The following CA10 variants were observed in gnomAD, a reference collection of about 807,000 sequenced individuals.
CA10 encodes carbonic anhydrase-related protein 10.
Under a neutral mutation model 44.2 loss-of-function variants are expected in CA10, and 14 were observed. That is an observed-to-expected ratio of 0.32 (90% CI 0.21 to 0.50). CA10 has a LOEUF of 0.50. Among genes scored for constraint, CA10 ranks in the 20% least tolerant of loss-of-function variants. CA10 has a pLI of 0.99. For missense variants in CA10, 350 were observed against 409.7 expected (o/e 0.85, Z 1.26); for synonymous variants, 159 against 141.6 (o/e 1.12, Z -0.87).
intron 1 of CA10, among the ~76,000 whole-genome samples, chr17:52,095,215 A>G (rs534287447): frequency 6.6e-6 from 1 of 152,280 alleles, no homozygotes; most frequent in East Asian, 1.9e-4. Flanking sequence ...AGACACAAAG[A>G]GTACATTCTG....
intron 3 of CA10, among the ~76,000 whole-genome samples, chr17:51,878,886 A>AGGGGG (rs1237295315): frequency 6.2e-5 from 1 of 16,254 alleles, no homozygotes; most frequent in South Asian, 3.2e-3. Flanking sequence ...ATATATATAT[A>AGGGGG]TATATGGGTG....
Position 51,723,232 on chromosome 17 carries a change from C to T in CA10, c.465+24401G>A, listed in dbSNP as rs566939822. On this transcript the variant is annotated intron_variant, in intron 4 of 8. Transcript: ENST00000451037. ...TGGGCATGTGCTTACTCAACCTAGA[C>T]TAGCACATGTAGTTGGTGGGAGAAC... Among the ~76,000 whole-genome samples the T allele has an allele frequency of 3.9e-4, 60 of 152,270 alleles. No homozygotes were observed. In the South Asian group the frequency reaches 0.012, roughly 31 times the overall value.
At chr17:51,876,992 T>C (rs887567871) in intron 3 of CA10, among the ~76,000 whole-genome samples, 26 of 152,244 alleles carry the variant, frequency 1.7e-4, no homozygotes, top group African/African-American at 6.0e-4. Context: ...AGCTCACTAA[T>C]ATTTCTAGTT....
intron 1 of CA10, among the ~76,000 whole-genome samples, chr17:52,073,959 A>G (rs1987751456): frequency 6.6e-6 from 1 of 152,194 alleles, no homozygotes; most frequent in Admixed American, 6.5e-5. Flanking sequence ...AACCAAATCA[A>G]GGTTTGGATA....
chr17:52,031,731 G>A (rs988085710), intron 2 of CA10, among the ~76,000 whole-genome samples: 2 of 152,070 alleles, frequency 1.3e-5, no homozygotes, highest in South Asian at 4.1e-4. Flanking sequence ...CAGTTCTTTG[G>A]TGATGCCATG....
intron 3 of CA10, among the ~76,000 whole-genome samples, chr17:51,820,840 T>C (rs1354039980): frequency 6.6e-6 from 1 of 152,094 alleles, no homozygotes; most frequent in Non-Finnish European, 1.5e-5. Context: ...ACATCAGTTA[T>C]TATTCTTACC....
At chr17:51,845,641 A>C (rs1448226885) in intron 3 of CA10, among the ~76,000 whole-genome samples, 1 of 152,162 alleles carries the variant, frequency 6.6e-6, no homozygotes, top group Admixed American at 6.6e-5. Context: ...CTCAAAATGC[A>C]CTCAGCATTG....
intron 1 of CA10, among the ~76,000 whole-genome samples, chr17:52,128,702 C>T (rs2143340418): frequency 6.6e-6 from 1 of 152,288 alleles, no homozygotes; most frequent in East Asian, 1.9e-4. Flanking sequence ...TCATATCTTG[C>T]AGCCCTTCAC....
At position 51,935,641 on chromosome 17, in the gene CA10, T is replaced by C. The variant is rs140402340; in HGVS notation, c.137-4509A>G. On this transcript the variant is annotated intron_variant, in intron 2 of 8. Coordinates refer to ENST00000451037, the MANE Select transcript of CA10 (RefSeq NM_020178.5). ...GCACTACTGCCATTCTTACCATAAATTACAAATCCCAAACGTTCTCTTGGC... is the reference window on the plus strand; with the variant it reads ...GCACTACTGCCATTCTTACCATAAACTACAAATCCCAAACGTTCTCTTGGC... Among the ~76,000 whole-genome samples the C allele has an allele frequency of 6.6e-5, 10 of 152,316 alleles. No homozygotes were observed. The East Asian group carries it at 1.9e-3, about 29-fold the overall frequency.
At chr17:51,661,233 T>TAG in intron 4 of CA10, among the ~76,000 whole-genome samples, 1 of 4,898 alleles carries the variant, frequency 2.0e-4, no homozygotes, top group Non-Finnish European at 6.3e-4. Flanking sequence ...AAGGCAGAAA[T>TAG]AAATAATTGT....
intron 2 of CA10, among the ~76,000 whole-genome samples, chr17:52,015,890 T>G (rs1312063885): frequency 6.6e-6 from 1 of 152,100 alleles, no homozygotes; most frequent in Admixed American, 6.6e-5. Context: ...AATCAGATAT[T>G]CTTTCAGGTC....
chr17:51,755,946 T>A (rs182007440), intron 3 of CA10, among the ~76,000 whole-genome samples: 16 of 152,324 alleles, frequency 1.1e-4, no homozygotes, highest in South Asian at 4.1e-4. Context: ...AATTTCATAA[T>A]GTCCTTTTTA....
chr17:52,113,365 C>T (rs1372351731), intron 1 of CA10, among the ~76,000 whole-genome samples: 2 of 151,994 alleles, frequency 1.3e-5, no homozygotes, highest in Admixed American at 1.3e-4. Context: ...TTCCTTACGG[C>T]CAGGTTAATA....
intron 4 of CA10, among the ~76,000 whole-genome samples, chr17:51,716,478 G>A (rs9909733): frequency 0.56 from 72,028 of 128,474 alleles, 17,251 homozygotes; most frequent in African/African-American, 0.59. Context: ...GAGAAAAAAA[G>A]AAGAGAAAAA....
At chr17:52,012,859 G>A (rs892562224) in intron 2 of CA10, among the ~76,000 whole-genome samples, 3 of 151,936 alleles carry the variant, frequency 2.0e-5, no homozygotes, top group African/African-American at 7.2e-5. Flanking sequence ...AAAGTTAGGT[G>A]GCTGTTAGCA....
intron 2 of CA10, among the ~76,000 whole-genome samples, chr17:52,032,980 G>T (rs898909992): frequency 6.6e-6 from 1 of 152,142 alleles, no homozygotes; most frequent in Non-Finnish European, 1.5e-5. Context: ...CCTAATTGAA[G>T]TATACGTCAA....
intron 3 of CA10, among the ~76,000 whole-genome samples, chr17:51,922,478 C>A (rs557952914): frequency 5.3e-5 from 8 of 152,300 alleles, no homozygotes; most frequent in East Asian, 1.9e-4. Context: ...GAAACTTCAA[C>A]TTGTCCTGGG....
intron 3 of CA10, among the ~76,000 whole-genome samples, chr17:51,776,995 C>T (rs1459522721): frequency 6.6e-6 from 1 of 152,022 alleles, no homozygotes; most frequent in Non-Finnish European, 1.5e-5. Flanking sequence ...AGCCATAGAA[C>T]CCTGATGAAA....
chr17:51,776,375 A>G (rs1905820727), intron 3 of CA10, among the ~76,000 whole-genome samples: 1 of 152,162 alleles, frequency 6.6e-6, no homozygotes, highest in Non-Finnish European at 1.5e-5. Context: ...ACTCTAAGAA[A>G]AGATAAATAA....
Sources: gnomAD v4.1 joint callset for allele counts (sites outside exome capture counted in the v4.1 genomes callset) on GRCh38, gnomAD v4.1.1 for gene constraint, MANE v1.5 for transcripts, NCBI Gene and HGNC (gene_info 2026-07-23, HGNC 2026-07-21) for gene names.